IL12RB2: variants seen among roughly 807,000 people sequenced by gnomAD.
IL12RB2 encodes the protein interleukin 12 receptor subunit beta 2, also known as interleukin-12 receptor subunit beta-2.
A neutral mutation model predicts 89.4 loss-of-function variants in IL12RB2; 82 were observed. That is an observed-to-expected ratio of 0.92 (90% CI 0.77 to 1.10). The LOEUF is 1.10. Ranked by LOEUF, IL12RB2 falls within the 50% of genes least tolerant of loss-of-function variation. IL12RB2 has a pLI of 0.00. For synonymous variants in IL12RB2, 368 were observed against 370.1 expected (o/e 0.99, Z 0.07); for missense variants, 963 against 1,031.9 (o/e 0.93, Z 0.92).
chr1:67,356,847 C>T (rs2100889405), intron 10 of IL12RB2, among the ~76,000 whole-genome samples: 1 of 152,254 alleles, frequency 6.6e-6, no homozygotes, highest in Middle Eastern at 3.4e-3. Context: ...CTGGGAATGA[C>T]AGGCAACAAA....
At chr1:67,345,767 G>T (rs1187073250) in intron 9 of IL12RB2, among the ~76,000 whole-genome samples, 1 of 152,196 alleles carries the variant, frequency 6.6e-6, no homozygotes, top group Non-Finnish European at 1.5e-5. Context: ...AGAAAGGGCT[G>T]CTTTTCCTTG....
chr1:67,331,918 T>C (rs1027589838), intron 8 of IL12RB2, among the ~76,000 whole-genome samples: 3 of 152,208 alleles, frequency 2.0e-5, no homozygotes, highest in African/African-American at 7.2e-5. Context: ...TAAATTTGAC[T>C]CAGAGAAAAA....
intron 16 of IL12RB2, among the ~76,000 whole-genome samples, chr1:67,393,987 T>A (rs946474497): frequency 2.0e-5 from 3 of 152,174 alleles, no homozygotes; most frequent in Non-Finnish European, 4.4e-5. Flanking sequence ...AGTGGTTTCT[T>A]CACTGAACAG....
At chr1:67,391,740 C>T (rs1007895371) in intron 16 of IL12RB2, among the ~76,000 whole-genome samples, 3 of 151,864 alleles carry the variant, frequency 2.0e-5, no homozygotes, top group East Asian at 1.9e-4. Flanking sequence ...AGGTTCACGC[C>T]GTTCTCCTGC....
rs116167083 is a variant in IL12RB2 at position 67,356,112 on chromosome 1, A to C, written c.1258+5023A>C. 3.5e-3 allele frequency among the ~76,000 whole-genome samples: 528 copies of C among 152,360 alleles called. 4 individuals are homozygous for C. Among genetic ancestry groups the C allele is most frequent in the African/African-American group, 0.011 (467 of 41,584 alleles). On this transcript the variant is annotated intron_variant, in intron 10 of 16. Transcript: ENST00000674203. ...CAGTATAACTGGGACATCAAATACC[A>C]AGGCAAGTGAAGACAAGGAACCATT... is the stretch of plus-strand genomic sequence containing the variant.
intron 10 of IL12RB2, among the ~76,000 whole-genome samples, chr1:67,366,326 C>CT (rs1230211943): frequency 1.3e-5 from 2 of 151,772 alleles, no homozygotes; most frequent in Non-Finnish European, 2.9e-5. Flanking sequence ...TGGCAGACGC[C>CT]TGTAGTCCCA....
At chr1:67,308,866 G>T (rs138649794) in intron 1 of IL12RB2, among the ~76,000 whole-genome samples, 1 of 151,974 alleles carries the variant, frequency 6.6e-6, no homozygotes, top group East Asian at 1.9e-4. Flanking sequence ...TTAAAAATAC[G>T]AAAATTAGCT....
At chr1:67,372,851 T>G in intron 13 of IL12RB2, 68 bp downstream of exon 13, 1 of 1,046,878 alleles carries the variant, frequency 9.6e-7, no homozygotes, top group East Asian at 2.4e-5. Context: ...CACAAGGAGG[T>G]GTGTGTGCAC....
intron 10 of IL12RB2, among the ~76,000 whole-genome samples, chr1:67,361,145 C>T (rs1661998215): frequency 6.6e-6 from 1 of 152,158 alleles, no homozygotes; most frequent in South Asian, 2.1e-4. Context: ...TTATAGAATG[C>T]TTTCTTTCCC....
At chr1:67,335,937 T>C (rs1658703246) in intron 8 of IL12RB2, among the ~76,000 whole-genome samples, 1 of 152,218 alleles carries the variant, frequency 6.6e-6, no homozygotes, top group South Asian at 2.1e-4. Flanking sequence ...TTCTAGAATT[T>C]GATTCTTAGC....
intron 8 of IL12RB2, among the ~76,000 whole-genome samples, chr1:67,332,701 A>G (rs1446229269): frequency 6.6e-6 from 1 of 152,174 alleles, no homozygotes; most frequent in Non-Finnish European, 1.5e-5. Flanking sequence ...TTTTGTTTAT[A>G]TATGTGGTAC....
intron 15 of IL12RB2, 127 bp downstream of exon 15, chr1:67,386,796 C>T: frequency 4.1e-6 from 3 of 734,360 alleles, no homozygotes; most frequent in Admixed American, 1.9e-5. Context: ...CTTATTTAAC[C>T]ACTTTGGGTG....
intron 11 of IL12RB2, among the ~76,000 whole-genome samples, chr1:67,370,479 G>A (rs1663183677): frequency 6.6e-6 from 1 of 152,064 alleles, no homozygotes; most frequent in African/African-American, 2.4e-5. Flanking sequence ...CTTCTTCCTC[G>A]TTACTGGTCA....
chr1:67,387,574 G>C (rs1665337782), intron 15 of IL12RB2, among the ~76,000 whole-genome samples: 1 of 151,582 alleles, frequency 6.6e-6, no homozygotes, highest in Admixed American at 6.6e-5. Context: ...GGTGGCACGA[G>C]CCTGTAGTCC....
At chr1:67,318,641 A>G (rs1656099180) in intron 2 of IL12RB2, among the ~76,000 whole-genome samples, 1 of 152,174 alleles carries the variant, frequency 6.6e-6, no homozygotes. Flanking sequence ...TGGGGTAAGA[A>G]TATCATTCGC....
At chr1:67,393,751 GC>G (rs1434975394) in intron 16 of IL12RB2, among the ~76,000 whole-genome samples, 1 of 152,190 alleles carries the variant, frequency 6.6e-6, no homozygotes, top group African/African-American at 2.4e-5. Flanking sequence ...AACCCCTCTT[GC>G]ACAACTTGTC....
intron 14 of IL12RB2, among the ~76,000 whole-genome samples, chr1:67,383,853 A>C (rs1467021628): frequency 6.6e-6 from 1 of 152,264 alleles, no homozygotes; most frequent in Non-Finnish European, 1.5e-5. Context: ...AACCTCAGGC[A>C]TAAATAGGTT....
chr1:67,342,479 G>A (rs1436211200), intron 9 of IL12RB2, among the ~76,000 whole-genome samples: 2 of 152,074 alleles, frequency 1.3e-5, no homozygotes, highest in Non-Finnish European at 2.9e-5. Flanking sequence ...GGGTTGGGGT[G>A]GGAGTATGTG....
At chr1:67,319,036 C>T (rs971125944) in intron 2 of IL12RB2, among the ~76,000 whole-genome samples, 3 of 152,190 alleles carry the variant, frequency 2.0e-5, no homozygotes, top group Non-Finnish European at 4.4e-5. Context: ...AAACAAAGGG[C>T]GCTTTCCTAG....
Sources: gnomAD v4.1 joint callset for allele counts (sites outside exome capture counted in the v4.1 genomes callset) on GRCh38, gnomAD v4.1.1 for gene constraint, MANE v1.5 for transcripts, NCBI Gene and HGNC (gene_info 2026-07-23, HGNC 2026-07-21) for gene names.